RPP38: variants seen among roughly 807,000 people sequenced by gnomAD.
The protein encoded by RPP38 is ribonuclease P protein subunit p38.
A neutral mutation model predicts 1.7 loss-of-function variants in RPP38; 2 were observed. The observed-to-expected ratio is 1.18, with a 90% CI of 0.48 to 3.70. The LOEUF is 3.70. Among genes scored for constraint, RPP38 ranks in the 30% most tolerant of loss-of-function variants. RPP38 has a pLI of 0.07. For synonymous variants in RPP38, 151 were observed against 131.8 expected (o/e 1.15, Z -1.00); for missense variants, 358 against 340.1 (o/e 1.05, Z -0.41).
At chr10:15,100,949 T>C (rs1845093074) in intron 1 of RPP38, among the ~76,000 whole-genome samples, 1 of 152,170 alleles carries the variant, frequency 6.6e-6, no homozygotes, top group African/African-American at 2.4e-5. Context: ...CCAATGTGCT[T>C]TGGTTACTGG....
rs533505637 is a variant in RPP38, at chr10:15,101,957, A to G, written c.-129-261A>G. Among the ~76,000 whole-genome samples, 40 of 152,222 alleles carry G rather than the reference A, an allele frequency of 2.6e-4. No individual in the cohort carries two copies. In the South Asian group the frequency reaches 7.9e-3, roughly 30 times the overall value. ...AATGCTGTAGGAAGGATATTCAAGA[A>G]ATTTAGGGCCCTGGGAGGTGGGGAG... is the stretch of plus-strand genomic sequence containing the variant. On this transcript the variant is annotated intron_variant, in intron 1 of 2. Coordinates refer to ENST00000378197, the MANE Select transcript of RPP38 (RefSeq NM_183005.5).
intron 2 of RPP38, chr10:15,102,633 A>C (rs1223334514): frequency 2.0e-5 from 3 of 152,234 alleles, no homozygotes; most frequent in Non-Finnish European, 4.4e-5. Context: ...TGAAATAGAC[A>C]AATGGAATTG....
chr10:15,103,926 TG>T lies in RPP38; in HGVS notation c.613del (p.Val205TyrfsTer15), dbSNP rs770112211. On this transcript the variant is annotated frameshift_variant, in exon 3 of 3. Transcript: ENST00000378197. LOFTEE classifies it low-confidence loss of function (END_TRUNC). The stretch of plus-strand genomic sequence containing the variant: ...TCATCCCCAGAGTCCCCAGTTTAAG[TG>T]TACCATGGCTTCAAGACAGAATTGA... ...AIIPRVPSLS[V>X]PWLQDRIEDS... 3 of 1,614,204 alleles carry T rather than the reference TG, an allele frequency of 1.9e-6. No individual in the cohort carries two copies. Among genetic ancestry groups the T allele is most frequent in the Non-Finnish European group, 2.5e-6 (3 of 1,180,042 alleles).
At chr10:15,102,170 T>A (rs1845126386) in intron 1 of RPP38, 48 bp from the exon 2 acceptor site, 1 of 150,986 alleles carries the variant, frequency 6.6e-6, no homozygotes, top group Non-Finnish European at 1.5e-5. Flanking sequence ...AGAACACCAC[T>A]TGCATACTGG....
intron 1 of RPP38, among the ~76,000 whole-genome samples, chr10:15,099,807 T>A (rs1049384626): frequency 6.6e-6 from 1 of 152,112 alleles, no homozygotes; most frequent in African/African-American, 2.4e-5. Context: ...ATTAAAAAAA[T>A]TTTCTGGGCT....
At chr10:15,098,163 T>C (rs1166407446) in intron 1 of RPP38, among the ~76,000 whole-genome samples, 5 of 151,778 alleles carry the variant, frequency 3.3e-5, no homozygotes, top group Non-Finnish European at 7.4e-5. Context: ...TACCCACCTT[T>C]CCTAGTTTCT....
rs748977336 is a variant in RPP38 at position 15,104,089 on chromosome 10, C to T, written c.775C>T (p.Leu259Phe). 4 of 1,605,778 alleles carry T rather than the reference C, an allele frequency of 2.5e-6. No homozygotes were observed. The highest frequency in any genetic ancestry group is 1.7e-5 in the Admixed American group (1 of 57,968). ...GCAGGCTTCTGTAACATTACAACCC[C>T]TTAAAATAAAGAAACTGATTCCAAA... ...GRQASVTLQP[L>F]KIKKLIPNPN... Residue 259 changes from leucine (L) to phenylalanine (F), a missense_variant, in exon 3 of 3, where the codon CTT becomes TTT. Leu to Phe is a conservative substitution (Grantham distance 22). Transcript: ENST00000378197.
rs773523035 is a variant in RPP38, at chr10:15,104,002, G to C, written c.688G>C (p.Glu230Gln). The change falls in exon 3 of 3, where the codon GAG (glutamate) becomes CAG (glutamine). Residue 230 changes from glutamate to glutamine, a missense_variant. Coordinates refer to ENST00000378197, the MANE Select transcript of RPP38 (RefSeq NM_183005.5). ...TGAACCTCTGGAAAGCCAAGACAGAGAGCTTTTGGACACTTCATTTGAAGA... is the reference window on the plus strand; with the variant it reads ...TGAACCTCTGGAAAGCCAAGACAGACAGCTTTTGGACACTTCATTTGAAGA... ...ETEPLESQDR[E>Q]LLDTSFEDLS... 33 of 1,613,934 alleles carry C rather than the reference G, an allele frequency of 2.0e-5. No individual in the cohort carries two copies. Among genetic ancestry groups the C allele is most frequent in the African/African-American group, 1.1e-4 (8 of 74,914 alleles).
At position 15,103,833 on chromosome 10, in the gene RPP38, C is replaced by T; in HGVS notation, c.519C>T (p.Gly173=). The T allele has an allele frequency of 6.2e-7, 1 of 1,614,128 alleles. No homozygotes were observed. Among genetic ancestry groups the T allele is most frequent in the Non-Finnish European group, 8.5e-7 (1 of 1,180,042 alleles). ...GTGAGAGAATCGCCCCCGTCATTGG[C>T]TTAAAATGTGTTCTAGCCTTGGCGT... ...RLSERIAPVI[G]LKCVLALAFK... The change falls in exon 3 of 3, where the codon GGC becomes GGT. Residue 173 remains glycine, a synonymous_variant. Coordinates refer to ENST00000378197, the MANE Select transcript of RPP38 (RefSeq NM_183005.5).
chr10:15,104,223 C>T lies in RPP38; in HGVS notation c.*57C>T, dbSNP rs1237970208. On this transcript the variant is annotated 3_prime_UTR_variant, in exon 3 of 3. Transcript: ENST00000378197. ...GTGAAAGGACACCTTGTAAAGAAGC[C>T]TTGAAACTAATAAAATGAGTTATAC... The T allele has an allele frequency of 1.4e-6, 2 of 1,481,464 alleles. No homozygotes were observed. Among genetic ancestry groups the T allele is most frequent in the East Asian group, 4.6e-5 (2 of 43,870 alleles). The allele number at this position is 1,481,464 out of a possible 1,614,324, so 91.8% of individuals were successfully genotyped here. A position where few individuals can be genotyped will look rare whatever the true frequency, so the allele number is the denominator to read the frequency against.
chr10:15,100,638 C>T (rs1845083612), intron 1 of RPP38, among the ~76,000 whole-genome samples: 1 of 151,950 alleles, frequency 6.6e-6, no homozygotes, highest in Non-Finnish European at 1.5e-5. Flanking sequence ...CCCTGTCCTA[C>T]ACCAGTGGTT....
rs1845223642 is a variant in RPP38, at chr10:15,104,200, G to GA, written c.*37dup. On this transcript the variant is annotated 3_prime_UTR_variant, in exon 3 of 3. Coordinates refer to ENST00000378197, the MANE Select transcript of RPP38 (RefSeq NM_183005.5). The stretch of plus-strand genomic sequence containing the variant: ...AAACTTGTCATGTCATACAGTTTGT[G>GA]AAAGGACACCTTGTAAAGAAGCCTT... 6.5e-7 allele frequency: 1 copy of GA among 1,532,408 alleles called. No homozygotes were observed. Among genetic ancestry groups the GA allele is most frequent in the Admixed American group, 2.3e-5 (1 of 43,806 alleles). 94.9% of individuals were successfully genotyped at this position (1,532,408 alleles called of 1,614,324 possible).
At chr10:15,100,688 T>A (rs2131422895) in intron 1 of RPP38, among the ~76,000 whole-genome samples, 1 of 151,276 alleles carries the variant, frequency 6.6e-6, no homozygotes, top group African/African-American at 2.4e-5. Context: ...AGGGCAACTT[T>A]TTTTTTTTTT....
chr10:15,099,699 G>C (rs780829184), intron 1 of RPP38, among the ~76,000 whole-genome samples: 1 of 152,034 alleles, frequency 6.6e-6, no homozygotes, highest in Non-Finnish European at 1.5e-5. Context: ...GGCTGGTCTC[G>C]AACTCCTGAC....
Position 15,104,032 on chromosome 10 carries a change from T to C in RPP38, c.718T>C (p.Ser240Pro). ...ELLDTSFEDL[S>P]KPKRKLADGR... ...TTTGGACACTTCATTTGAAGATCTG[T>C]CAAAACCTAAGAGAAAGCTTGCTGA... The change falls in exon 3 of 3, where the codon TCA becomes CCA. Residue 240 changes from serine to proline, a missense_variant. Physicochemically the swap from Ser to Pro is moderately conservative, Grantham distance 74. Transcript: ENST00000378197. The C allele has an allele frequency of 2.5e-6, 4 of 1,614,082 alleles. No homozygotes were observed. The highest frequency in any genetic ancestry group is 3.4e-6 in the Non-Finnish European group (4 of 1,180,028).
Position 15,103,728 on chromosome 10 carries a change from C to G in RPP38, c.414C>G (p.Val138=). 1 of 1,613,902 alleles carries G rather than the reference C, an allele frequency of 6.2e-7. No individual in the cohort carries two copies. The highest frequency in any genetic ancestry group is 8.5e-7 in the Non-Finnish European group (1 of 1,180,022). ...ELLLVLVCKS[V]KPAMITSHLI... is the part of the protein sequence containing the mutation. Reference sequence around the variant, plus strand: ...TGTTAGTTCTGGTGTGTAAATCAGTCAAGCCTGCCATGATCACCTCACACT... The same window carrying G: ...TGTTAGTTCTGGTGTGTAAATCAGTGAAGCCTGCCATGATCACCTCACACT... Residue 138 remains valine, a synonymous_variant, in exon 3 of 3, where the codon GTC becomes GTG. Transcript: ENST00000378197.
At chr10:15,103,089 G>T (rs2131430554) in intron 2 of RPP38, 1 of 311,960 alleles carries the variant, frequency 3.2e-6, no homozygotes, top group African/African-American at 2.2e-5. Flanking sequence ...CTACTCGGGA[G>T]GCTGAGGCAG....
In RPP38 at chr10:15,103,376, TG is replaced by T. The variant is rs1205007975; in HGVS notation, c.63del (p.Lys22ArgfsTer4). On this transcript the variant is annotated frameshift_variant, in exon 3 of 3. Transcript: ENST00000378197. LOFTEE classifies it low-confidence loss of function (END_TRUNC). ...CTCCGTAAGACGAGACCTCTGGTTG[TG>T]AAGACGTCGTTGAACAACCCATACA... is the stretch of plus-strand genomic sequence containing the variant. ...GSLRKTRPLV[V>X]KTSLNNPYII... 1 of 1,613,292 alleles carries T rather than the reference TG, an allele frequency of 6.2e-7. No homozygotes were observed. The highest frequency in any genetic ancestry group is 1.7e-5 in the Admixed American group (1 of 59,836).
chr10:15,099,495 G>C (rs1192715870), intron 1 of RPP38, among the ~76,000 whole-genome samples: 2 of 130,678 alleles, frequency 1.5e-5, no homozygotes, highest in Non-Finnish European at 3.2e-5. Flanking sequence ...TTTTTTTTAA[G>C]ACGGAGTCTT....
Sources: gnomAD v4.1 joint callset for allele counts (sites outside exome capture counted in the v4.1 genomes callset) on GRCh38, gnomAD v4.1.1 for gene constraint, MANE v1.5 for transcripts, NCBI Gene and HGNC (gene_info 2026-07-23, HGNC 2026-07-21) for gene names.